The following TUSC3 variants were observed in gnomAD, a reference collection of about 807,000 sequenced individuals.
TUSC3 encodes the protein tumor suppressor candidate 3.
TUSC3 carries 45 observed loss-of-function variants against 44.8 expected under a neutral mutation model. The ratio of observed to expected loss-of-function variants is 1.00; its 90% CI spans 0.79 to 1.29. TUSC3 has a LOEUF of 1.29. Among genes scored for constraint, TUSC3 ranks in the 50% most tolerant of loss-of-function variants. The pLI, the probability that TUSC3 is intolerant of heterozygous loss-of-function variation, is 0.00. For synonymous variants in TUSC3, 212 were observed against 152.9 expected, an observed-to-expected ratio of 1.39 and a Z score of -2.85; for missense variants, 519 against 437.9, an observed-to-expected ratio of 1.19 and a Z score of -1.65.
intron 2 of TUSC3, among the ~76,000 whole-genome samples, chr8:15,492,390 A>T (rs779778036): frequency 3.3e-5 from 5 of 152,148 alleles, no homozygotes; most frequent in Admixed American, 6.5e-5. Flanking sequence ...TAAAAAACTT[A>T]TATGCAATAC....
At chr8:15,835,235 G>A in the TUSC3 span, among the ~76,000 whole-genome samples, 6 of 152,028 alleles carry the variant, frequency 3.9e-5, no homozygotes, top group Admixed American at 6.6e-5. Flanking sequence ...ACTTATTTAC[G>A]TAGAGTTGAA....
the TUSC3 span, among the ~76,000 whole-genome samples, chr8:15,817,551 C>T: frequency 2.0e-4 from 31 of 151,924 alleles, no homozygotes; most frequent in African/African-American, 5.3e-4. Flanking sequence ...ATGCTGTTCC[C>T]GTGACAGTGA....
intron 1 of TUSC3, among the ~76,000 whole-genome samples, chr8:15,573,342 C>A (rs113960883): frequency 6.6e-4 from 100 of 150,922 alleles, no homozygotes; most frequent in Middle Eastern, 3.4e-3. Flanking sequence ...AGGGTAATTA[C>A]CAGTTTTAAC....
At position 15,673,730 on chromosome 8, in the gene TUSC3, T is replaced by C; in HGVS notation, c.709-17T>C. On this transcript the variant is annotated splice_polypyrimidine_tract_variant and intron_variant, in intron 5 of 10. Transcript: ENST00000503731. ...TTCTCTGGTTTACATATTGAAACAC[T>C]GCACCCTGTTTTTCAGTGTATAGTC... The C allele has an allele frequency of 6.3e-7, 1 of 1,599,540 alleles. No homozygotes were observed. Among genetic ancestry groups the C allele is most frequent in the South Asian group, 1.1e-5 (1 of 90,846 alleles).
intron 2 of TUSC3, among the ~76,000 whole-genome samples, chr8:15,519,956 T>A (rs183359335): frequency 9.2e-5 from 14 of 152,324 alleles, no homozygotes; most frequent in Non-Finnish European, 2.9e-5. Flanking sequence ...GAGGGACCTA[T>A]GGATAAAAGA....
At chr8:15,678,039 C>T (rs1291510717) in intron 6 of TUSC3, among the ~76,000 whole-genome samples, 2 of 152,100 alleles carry the variant, frequency 1.3e-5, no homozygotes, top group African/African-American at 4.8e-5. Flanking sequence ...GGAAGGAAAG[C>T]AGTCAAAAAA....
At chr8:15,651,250 G>A (rs567646854) in intron 3 of TUSC3, among the ~76,000 whole-genome samples, 2 of 152,108 alleles carry the variant, frequency 1.3e-5, no homozygotes, top group South Asian at 2.1e-4. Flanking sequence ...AGGTGGTAGT[G>A]TATTATAGAT....
intron 1 of TUSC3, among the ~76,000 whole-genome samples, chr8:15,545,120 T>C (rs1801820083): frequency 6.6e-6 from 1 of 151,788 alleles, no homozygotes; most frequent in South Asian, 2.1e-4. Context: ...GTTTGTCATA[T>C]GCCTGATGTC....
chr8:15,775,703 TATAC>T, the TUSC3 span, among the ~76,000 whole-genome samples: 6 of 146,502 alleles, frequency 4.1e-5, no homozygotes, highest in South Asian at 6.4e-4. Context: ...CACACACATA[TATAC>T]ATATATATAC....
the TUSC3 span, among the ~76,000 whole-genome samples, chr8:15,837,597 C>T: frequency 6.6e-6 from 1 of 152,134 alleles, no homozygotes; most frequent in Non-Finnish European, 1.5e-5. Flanking sequence ...TGTGATTTTT[C>T]CCCTTCCATT....
chr8:15,794,788 A>G, the TUSC3 span, among the ~76,000 whole-genome samples: 1 of 152,136 alleles, frequency 6.6e-6, no homozygotes, highest in Admixed American at 6.5e-5. Flanking sequence ...CAGGGGGGAA[A>G]ATACCTTTAT....
At position 15,618,402 on chromosome 8, in the gene TUSC3, C is replaced by G. The variant is rs991999663; in HGVS notation, c.139-4678C>G. 2.0e-5 allele frequency among the ~76,000 whole-genome samples: 3 copies of G among 152,142 alleles called. No individual in the cohort carries two copies. In the South Asian group the frequency reaches 6.2e-4, roughly 32 times the overall value. ...TTTCTTTATATCCTTATTCTGTAAG[C>G]TTTTTTCTGATTTTTTAAGAAGTTT... On this transcript the variant is annotated intron_variant, in intron 1 of 10. Coordinates refer to ENST00000503731, the MANE Select transcript of TUSC3 (RefSeq NM_006765.4).
chr8:15,787,635 A>G, the TUSC3 span, among the ~76,000 whole-genome samples: 2 of 152,212 alleles, frequency 1.3e-5, no homozygotes, highest in African/African-American at 2.4e-5. Flanking sequence ...AAAAGATGAG[A>G]ATTTGATGCT....
chr8:15,472,784 G>A (rs1800511456), intron 1 of TUSC3, among the ~76,000 whole-genome samples: 1 of 152,128 alleles, frequency 6.6e-6, no homozygotes, highest in African/African-American at 2.4e-5. Flanking sequence ...ATCCATTATG[G>A]TGTAGAAATA....
intron 2 of TUSC3, among the ~76,000 whole-genome samples, chr8:15,494,846 G>C (rs1382468528): frequency 6.6e-6 from 1 of 152,094 alleles, no homozygotes; most frequent in Non-Finnish European, 1.5e-5. Flanking sequence ...AGCTCTTTCT[G>C]TTTCTCCTTT....
At chr8:15,438,916 A>G (rs913519937) in intron 1 of TUSC3, among the ~76,000 whole-genome samples, 3 of 152,160 alleles carry the variant, frequency 2.0e-5, no homozygotes, top group African/African-American at 4.8e-5. Flanking sequence ...TAAGCACCCA[A>G]TTTAAAATGG....
intron 2 of TUSC3, among the ~76,000 whole-genome samples, chr8:15,504,605 ATATATATATATATATATTTTTTT>A (rs1271628207): frequency 1.6e-4 from 5 of 31,164 alleles, no homozygotes; most frequent in African/African-American, 8.0e-4. Flanking sequence ...ATATATATAT[ATATATATATATATATATTTTTTT>A]TTTTTTTTTT....
chr8:15,848,227 TC>T, the TUSC3 span, among the ~76,000 whole-genome samples: 1 of 152,294 alleles, frequency 6.6e-6, no homozygotes, highest in East Asian at 1.9e-4. Context: ...CTTTCATCCT[TC>T]CCTGTGTAGG....
intron 1 of TUSC3, among the ~76,000 whole-genome samples, chr8:15,609,494 T>G (rs1039012218): frequency 2.0e-5 from 3 of 152,170 alleles, no homozygotes; most frequent in Admixed American, 1.3e-4. Context: ...AATGAGATAT[T>G]TATTTATAAA....
Sources: allele counts gnomAD v4.1 joint callset (sites outside exome capture counted in the v4.1 genomes callset), GRCh38; gene constraint gnomAD v4.1.1; transcripts MANE v1.5; gene names NCBI Gene and HGNC (gene_info 2026-07-23, HGNC 2026-07-21).